AKIRIN1: variants seen among roughly 807,000 people sequenced by gnomAD.
AKIRIN1 encodes akirin 1.
AKIRIN1 carries 4 observed loss-of-function variants against 25.9 expected under a neutral mutation model. That is an observed-to-expected ratio of 0.15 (90% confidence interval 0.08 to 0.35). The LOEUF is 0.35. AKIRIN1 is among the 10% of genes least tolerant of loss of function. AKIRIN1 has a pLI of 1.00. For synonymous variants in AKIRIN1, 125 were observed against 105.1 expected, an observed-to-expected ratio of 1.19 and a Z score of -1.16; for missense variants, 243 against 266.1, an observed-to-expected ratio of 0.91 and a Z score of 0.61.
intron 3 of AKIRIN1, among the ~76,000 whole-genome samples, chr1:39,001,638 C>G (rs1643992753): frequency 6.6e-6 from 1 of 152,176 alleles, no homozygotes; most frequent in Non-Finnish European, 1.5e-5. Flanking sequence ...CTCCAGGCCT[C>G]AAGAAGTACT....
At chr1:38,998,035 G>C (rs1178556004) in intron 1 of AKIRIN1, 136 bp from the exon 2 acceptor site, 3 of 915,558 alleles carry the variant, frequency 3.3e-6, no homozygotes, top group Non-Finnish European at 4.8e-6. Flanking sequence ...GTCGGGGGAG[G>C]GGGAGATTGA....
At chr1:39,001,813 A>G (rs1027267315) in intron 3 of AKIRIN1, among the ~76,000 whole-genome samples, 8 of 152,216 alleles carry the variant, frequency 5.3e-5, no homozygotes, top group African/African-American at 1.9e-4. Context: ...GCTGGCTGGT[A>G]AACAGATGGT....
chr1:38,997,954 G>T (rs900399171), intron 1 of AKIRIN1, among the ~76,000 whole-genome samples: 2 of 152,230 alleles, frequency 1.3e-5, no homozygotes, highest in African/African-American at 4.8e-5. Context: ...TGAAATAGTG[G>T]CAATAAGAAC....
rs562760764 is a variant in AKIRIN1 at position 39,005,654 on chromosome 1, T to C, written c.*1599T>C. 2.9e-4 allele frequency: 44 copies of C among 152,326 alleles called. 1 individual carries two copies. Among genetic ancestry groups the C allele is most frequent in the Admixed American group, 2.9e-3 (44 of 15,298 alleles). 9.4% of individuals were successfully genotyped at this position (152,326 alleles called of 1,614,324 possible). A position where few individuals can be genotyped will look rare whatever the true frequency, so the allele number is the denominator to read the frequency against. On this transcript the variant is annotated 3_prime_UTR_variant, in exon 5 of 5. Coordinates refer to ENST00000432648, the MANE Select transcript of AKIRIN1 (RefSeq NM_024595.3). Reference sequence around the variant, plus strand: ...AATTAGGGCTTATTTTGAAAAATTCTGAGTTTAATTCAAATGTATGCCAAT... The same window carrying C: ...AATTAGGGCTTATTTTGAAAAATTCCGAGTTTAATTCAAATGTATGCCAAT...
intron 1 of AKIRIN1, 46 bp from the exon 2 acceptor site, chr1:38,998,125 A>G: frequency 6.4e-7 from 1 of 1,574,316 alleles, no homozygotes; most frequent in Non-Finnish European, 8.6e-7. Flanking sequence ...AGTTTGAAGA[A>G]ATGAGACAAT....
intron 2 of AKIRIN1, 141 bp downstream of exon 2, chr1:38,998,452 TAC>T: frequency 4.9e-6 from 5 of 1,024,760 alleles, no homozygotes; most frequent in Non-Finnish European, 6.7e-6. Flanking sequence ...TTTAAAACTA[TAC>T]AGTCATGAAA....
rs371595556 is a variant in AKIRIN1, at chr1:39,003,428, G to A, written c.568+10G>A. On this transcript the variant is annotated intron_variant, in intron 4 of 4. Coordinates refer to ENST00000432648, the MANE Select transcript of AKIRIN1 (RefSeq NM_024595.3). The stretch of plus-strand genomic sequence containing the variant: ...ACAAGGCCAACAAGCTGTAAGTATT[G>A]CCACATTTTCTTTGAATTTTCTAAG... 380 of 1,609,570 alleles carry A rather than the reference G, an allele frequency of 2.4e-4. No individual in the cohort carries two copies. Among genetic ancestry groups the A allele is most frequent in the Non-Finnish European group, 3.1e-4 (365 of 1,178,930 alleles).
intron 3 of AKIRIN1, 97 bp downstream of exon 3, chr1:39,001,203 A>C: frequency 1.4e-6 from 2 of 1,417,464 alleles, no homozygotes; most frequent in South Asian, 3.0e-5. Flanking sequence ...GACCTCATGC[A>C]AGGGAGTTTA....
chr1:38,994,574 T>G (rs1445471983), intron 1 of AKIRIN1, among the ~76,000 whole-genome samples: 1 of 151,328 alleles, frequency 6.6e-6, no homozygotes, highest in Non-Finnish European at 1.5e-5. Flanking sequence ...GGCACGATCT[T>G]GGCTCACTGC....
intron 1 of AKIRIN1, among the ~76,000 whole-genome samples, chr1:38,996,152 T>TG (rs983902237): frequency 3.7e-4 from 56 of 152,118 alleles, no homozygotes; most frequent in African/African-American, 1.3e-3. Context: ...TGGAGTCCAA[T>TG]GGGGTGATCT....
Position 38,991,512 on chromosome 1 carries a change from G to A in AKIRIN1, c.132G>A (p.Glu44=), listed in dbSNP as rs1643904862. 6.9e-7 allele frequency: 1 copy of A among 1,450,564 alleles called. No individual in the cohort carries two copies. Among genetic ancestry groups the A allele is most frequent in the Non-Finnish European group, 9.0e-7 (1 of 1,105,772 alleles). The allele number at this position is 1,450,564 out of a possible 1,614,324, so 89.9% of individuals were successfully genotyped here. A position where few individuals can be genotyped will look rare whatever the true frequency, so the allele number is the denominator to read the frequency against. ...CGGGCCTCAGGCCCCCGGACGCCGA[G>A]CCGCCGCCGCCGTTTCAGACGCAGA... is the stretch of plus-strand genomic sequence containing the variant. ...PTPGLRPPDA[E]PPPPFQTQTP... The change falls in exon 1 of 5, where the codon GAG becomes GAA. Residue 44 remains glutamate (E), a synonymous_variant. Coordinates refer to ENST00000432648, the MANE Select transcript of AKIRIN1 (RefSeq NM_024595.3).
At chr1:38,998,758 T>C (rs1168695212) in intron 2 of AKIRIN1, among the ~76,000 whole-genome samples, 2 of 151,750 alleles carry the variant, frequency 1.3e-5, no homozygotes, top group Non-Finnish European at 1.5e-5. Context: ...ACAAAAAAAT[T>C]AGCCAGGCAT....
intron 1 of AKIRIN1, 97 bp downstream of exon 1, chr1:38,991,697 C>G: frequency 8.5e-7 from 1 of 1,169,658 alleles, no homozygotes; most frequent in East Asian, 3.4e-5. Context: ...CCAGTTTACC[C>G]AGGGACCCCT....
At chr1:38,995,376 C>T (rs139436907) in intron 1 of AKIRIN1, among the ~76,000 whole-genome samples, 1 of 151,976 alleles carries the variant, frequency 6.6e-6, no homozygotes, top group Non-Finnish European at 1.5e-5. Flanking sequence ...GGGCTTAGAC[C>T]GGAAAAAATC....
In AKIRIN1 at chr1:38,994,930, T is replaced by C. The variant is rs1160537437; in HGVS notation, c.221-3241T>C. On this transcript the variant is annotated intron_variant, in intron 1 of 4. Coordinates refer to ENST00000432648, the MANE Select transcript of AKIRIN1 (RefSeq NM_024595.3). ...GTCTCAAACACCTGACCTCAGGTGA[T>C]CCGCCTGCCTCAGACTCCCAAAGTG... Among the ~76,000 whole-genome samples, 5 of 152,172 alleles carry C rather than the reference T, an allele frequency of 3.3e-5. No individual in the cohort carries two copies. The East Asian group carries it at 7.7e-4, about 24-fold the overall frequency.
In AKIRIN1 at chr1:39,000,093, G is replaced by A. The variant is rs182860404; in HGVS notation, c.362-879G>A. ...GAGGCGGGATTTCACCATGTTGGCC[G>A]GGCTGGTCTCGAACTCCTGACCTCA... On this transcript the variant is annotated intron_variant, in intron 2 of 4. Coordinates refer to ENST00000432648, the MANE Select transcript of AKIRIN1 (RefSeq NM_024595.3). 6.1e-4 allele frequency among the ~76,000 whole-genome samples: 93 copies of A among 151,556 alleles called. No homozygotes were observed. The East Asian group carries it at 0.012, about 20-fold the overall frequency.
At chr1:38,996,809 A>G (rs965647824) in intron 1 of AKIRIN1, among the ~76,000 whole-genome samples, 19 of 152,316 alleles carry the variant, frequency 1.2e-4, no homozygotes, top group African/African-American at 4.3e-4. Flanking sequence ...GATTACAGGC[A>G]TAAGCCACCA....
chr1:38,998,925 A>G (rs1390229001), intron 2 of AKIRIN1, among the ~76,000 whole-genome samples: 1 of 152,130 alleles, frequency 6.6e-6, no homozygotes, highest in Non-Finnish European at 1.5e-5. Context: ...CAGTAGTCAC[A>G]TTTCAGGTAC....
At chr1:38,997,521 A>G (rs1199189317) in intron 1 of AKIRIN1, among the ~76,000 whole-genome samples, 2 of 150,396 alleles carry the variant, frequency 1.3e-5, no homozygotes, top group South Asian at 2.1e-4. Context: ...TAGATAAATC[A>G]CCCAGGCTCC....
Sources: gnomAD v4.1 joint callset for allele counts (sites outside exome capture counted in the v4.1 genomes callset) on GRCh38, gnomAD v4.1.1 for gene constraint, MANE v1.5 for transcripts, NCBI Gene and HGNC (gene_info 2026-07-23, HGNC 2026-07-21) for gene names.